CHKA: variants seen among roughly 807,000 people sequenced by gnomAD.
The protein encoded by CHKA is choline kinase alpha, also known as CHETK-alpha.
In CHKA, 34 loss-of-function variants were observed where a neutral mutation model predicts 60.1. The observed-to-expected ratio is 0.57, with a 90% CI of 0.43 to 0.75. The LOEUF (loss-of-function observed/expected upper bound fraction) is 0.75, where lower values mean the gene tolerates loss of function less well. Ranked by LOEUF, CHKA falls within the 30% of genes least tolerant of loss-of-function variation. The pLI, the probability that CHKA is intolerant of heterozygous loss-of-function variation, is 0.00. For synonymous variants in CHKA, 217 were observed against 223.1 expected, an observed-to-expected ratio of 0.97 and a Z score of 0.24; for missense variants, 563 against 561.3, an observed-to-expected ratio of 1.00 and a Z score of -0.03.
chr11:68,119,378 G>T (rs1336068568), intron 1 of CHKA, among the ~76,000 whole-genome samples: 1 of 152,164 alleles, frequency 6.6e-6, no homozygotes, highest in Non-Finnish European at 1.5e-5. Context: ...CTGGACTTGG[G>T]GATTACTGGT....
Position 68,121,106 on chromosome 11 carries a change from G to C in CHKA, c.72C>G (p.Ser24Arg). Reference sequence around the variant, plus strand: ...CGCCGGGCGCCGGGGCCGCGCTGCCGCTACCGCAGCTCAGCAGCAGCCCGA... The same window carrying C: ...CGCCGGGCGCCGGGGCCGCGCTGCCCCTACCGCAGCTCAGCAGCAGCCCGA... ...SPLGLLLSCG[S>R]GSAAPAPGVG... Residue 24 changes from serine to arginine, a missense_variant, in exon 1 of 12, where the codon AGC (serine) becomes AGG (arginine). By Grantham distance (110) the Ser-to-Arg change is moderately radical. Transcript: ENST00000265689. 1 of 1,165,442 alleles carries C rather than the reference G, an allele frequency of 8.6e-7. No individual in the cohort carries two copies. The highest frequency in any genetic ancestry group is 1.1e-6 in the Non-Finnish European group (1 of 944,124). 72.2% of individuals were successfully genotyped at this position (1,165,442 alleles called of 1,614,324 possible). A position where few individuals can be genotyped will look rare whatever the true frequency, so the allele number is the denominator to read the frequency against.
intron 1 of CHKA, among the ~76,000 whole-genome samples, chr11:68,101,331 G>A (rs1162119364): frequency 6.6e-6 from 1 of 152,058 alleles, no homozygotes; most frequent in East Asian, 1.9e-4. Context: ...AACAAGGCAA[G>A]AGAAAGAAAT....
chr11:68,099,863 T>C (rs1342686169), intron 1 of CHKA, among the ~76,000 whole-genome samples: 1 of 152,238 alleles, frequency 6.6e-6, no homozygotes, highest in Non-Finnish European at 1.5e-5. Flanking sequence ...TTTACCCCCG[T>C]ACTGCTAAAG....
intron 1 of CHKA, among the ~76,000 whole-genome samples, chr11:68,120,511 C>T (rs1219531162): frequency 6.6e-6 from 1 of 152,244 alleles, no homozygotes; most frequent in Non-Finnish European, 1.5e-5. Flanking sequence ...CTATCTTAAG[C>T]GTCAGTACCA....
intron 3 of CHKA, among the ~76,000 whole-genome samples, chr11:68,077,660 A>G (rs1856837713): frequency 6.6e-6 from 1 of 152,174 alleles, no homozygotes; most frequent in Admixed American, 6.5e-5. Flanking sequence ...CCTGCCCACA[A>G]CGGGGCTTAC....
intron 2 of CHKA, among the ~76,000 whole-genome samples, chr11:68,083,437 T>C (rs965658575): frequency 3.9e-5 from 6 of 152,208 alleles, no homozygotes; most frequent in Non-Finnish European, 7.3e-5. Context: ...ACAAATAAGT[T>C]AGATACTCTT....
At chr11:68,084,170 C>T (rs1857078772) in intron 2 of CHKA, among the ~76,000 whole-genome samples, 1 of 150,324 alleles carries the variant, frequency 6.7e-6, no homozygotes, top group South Asian at 2.1e-4. Flanking sequence ...TCGCTTGAAT[C>T]CGGGAAGAAG....
intron 11 of CHKA, among the ~76,000 whole-genome samples, chr11:68,055,486 A>G (rs755203141): frequency 7.2e-5 from 11 of 152,208 alleles, no homozygotes; most frequent in Non-Finnish European, 1.5e-4. Flanking sequence ...ATTCCCCAGG[A>G]GGGCTGCTGG....
chr11:68,105,773 A>C (rs1209908303), intron 1 of CHKA, among the ~76,000 whole-genome samples: 3 of 152,174 alleles, frequency 2.0e-5, no homozygotes, highest in African/African-American at 7.2e-5. Context: ...CTAACCAACT[A>C]TATTTTGCTG....
intron 1 of CHKA, among the ~76,000 whole-genome samples, chr11:68,114,854 A>AAGACC (rs1197001822): frequency 6.6e-6 from 1 of 152,192 alleles, no homozygotes; most frequent in Admixed American, 6.6e-5. Context: ...AGACTGTAAA[A>AAGACC]AGACCAGTGA....
chr11:68,081,255 T>C, intron 3 of CHKA, 149 bp downstream of exon 3: 2 of 614,350 alleles, frequency 3.3e-6, no homozygotes, highest in Non-Finnish European at 5.8e-6. Flanking sequence ...AGGTGGCTTC[T>C]GATAGATATA....
intron 10 of CHKA, among the ~76,000 whole-genome samples, chr11:68,064,173 G>A (rs145351286): frequency 1.4e-3 from 216 of 152,292 alleles, no homozygotes; most frequent in African/African-American, 4.9e-3. Flanking sequence ...TGGGAAGGCC[G>A]AGCTGGGTGG....
At chr11:68,102,704 G>A (rs1234922691) in intron 1 of CHKA, among the ~76,000 whole-genome samples, 1 of 152,024 alleles carries the variant, frequency 6.6e-6, no homozygotes, top group African/African-American at 2.4e-5. Context: ...AAACAAATAG[G>A]ATTATAGCAG....
intron 3 of CHKA, among the ~76,000 whole-genome samples, chr11:68,081,108 T>C (rs936858666): frequency 2.0e-5 from 3 of 152,154 alleles, no homozygotes; most frequent in Non-Finnish European, 2.9e-5. Flanking sequence ...CCTCATCAGG[T>C]ACCACACACG....
At chr11:68,064,433 C>T (rs1590836719) in intron 10 of CHKA, 92 bp downstream of exon 10, 1 of 607,166 alleles carries the variant, frequency 1.6e-6, no homozygotes, top group South Asian at 2.4e-5. Context: ...AGAAGAAGCT[C>T]TAAAATACTC....
In CHKA at chr11:68,079,475, G is replaced by A. The variant is rs185319358; in HGVS notation, c.516+1929C>T. Among the ~76,000 whole-genome samples the A allele has an allele frequency of 3.2e-4, 49 of 152,132 alleles. 1 individual carries two copies. The highest frequency in any genetic ancestry group is 2.3e-3 in the Admixed American group (35 of 15,278). On this transcript the variant is annotated intron_variant, in intron 3 of 11. Transcript: ENST00000265689. ...CTCCCAAGTAGCTAGGACTACAGGC[G>A]CCCGCCACCACGCCTGGCTAATTTT...
At chr11:68,098,890 T>TGCCACGTTG (rs58556867) in intron 1 of CHKA, among the ~76,000 whole-genome samples, 119 of 151,670 alleles carry the variant, frequency 7.8e-4, no homozygotes, top group African/African-American at 2.7e-3. Context: ...AACGGAGTTT[T>TGCCACGTTG]GCCAGGCTGC....
chr11:68,111,960 G>A (rs1858160805), intron 1 of CHKA, among the ~76,000 whole-genome samples: 1 of 145,616 alleles, frequency 6.9e-6, no homozygotes, highest in African/African-American at 2.5e-5. Context: ...GGCTGAGGCA[G>A]GAGAATCGCT....
chr11:68,108,814 G>A (rs1204238313), intron 1 of CHKA, among the ~76,000 whole-genome samples: 2 of 152,152 alleles, frequency 1.3e-5, no homozygotes, highest in Non-Finnish European at 2.9e-5. Context: ...CAGATACAGA[G>A]AATCACAGTT....
Sources: allele counts gnomAD v4.1 joint callset (sites outside exome capture counted in the v4.1 genomes callset), GRCh38; gene constraint gnomAD v4.1.1; transcripts MANE v1.5; gene names NCBI Gene and HGNC (gene_info 2026-07-23, HGNC 2026-07-21).